Variants in ABI3BP observed in about 807,000 individuals in gnomAD.
ABI3BP encodes target of Nesh-SH3.
In ABI3BP, 216 loss-of-function variants were observed where a neutral mutation model predicts 268.6. The ratio of observed to expected loss-of-function variants is 0.80; its 90% confidence interval spans 0.72 to 0.90. The LOEUF (loss-of-function observed/expected upper bound fraction) is 0.90. Among genes scored for constraint, ABI3BP ranks in the 40% least tolerant of loss-of-function variants. The pLI, the probability that ABI3BP is intolerant of heterozygous loss-of-function variation, is 0.00. For missense variants in ABI3BP, 2,090 were observed against 2,182.4 expected (o/e 0.96, Z 0.84); for synonymous variants, 730 against 730.0 (o/e 1.00, Z 0.00).
chr3:100,840,073 G>T lies in ABI3BP; in HGVS notation c.1896C>A (p.Pro632=). 1 of 1,530,792 alleles carries T rather than the reference G, an allele frequency of 6.5e-7. No individual in the cohort carries two copies. The highest frequency in any genetic ancestry group is 1.2e-5 in the South Asian group (1 of 83,820). 94.8% of individuals were successfully genotyped at this position (1,530,792 alleles called of 1,614,324 possible). A position where few individuals can be genotyped will look rare whatever the true frequency, so the allele number is the denominator to read the frequency against. ...TPSPEVPKSK[P]ALEPATIQPE... ...TTGGAACCTGAATATCACATTTACC[G>T]GGTTTGGACTTGGGCACTTCTGGAC... The change falls in exon 23 of 68, where the codon CCC becomes CCA. Residue 632 remains proline, a splice_region_variant and synonymous_variant. Coordinates refer to ENST00000471714, the MANE Select transcript of ABI3BP (RefSeq NM_001375547.2).
chr3:100,834,488 C>T (rs62274058), intron 29 of ABI3BP, among the ~76,000 whole-genome samples, 196 bp downstream of exon 29: 4,089 of 152,182 alleles, frequency 0.027, 72 homozygotes, highest in Non-Finnish European at 0.042. Context: ...AATTCCCAGG[C>T]ACCAAGGAGG....
At chr3:100,981,897 A>G (rs1207196090) in intron 1 of ABI3BP, among the ~76,000 whole-genome samples, 1 of 152,194 alleles carries the variant, frequency 6.6e-6, no homozygotes, top group Non-Finnish European at 1.5e-5. Context: ...GAGTATCTAG[A>G]TCTTTCCATC....
intron 1 of ABI3BP, among the ~76,000 whole-genome samples, chr3:100,989,201 G>A (rs558333826): frequency 6.6e-6 from 1 of 152,272 alleles, no homozygotes; most frequent in East Asian, 1.9e-4. Flanking sequence ...CCAGCACTTT[G>A]ATCATGGACT....
intron 52 of ABI3BP, 31 bp from the exon 53 acceptor site, chr3:100,795,882 T>A (rs779142648): frequency 4.7e-6 from 6 of 1,271,316 alleles, no homozygotes; most frequent in Non-Finnish European, 6.1e-6. Flanking sequence ...AGGAACATAT[T>A]TATGAGAATT....
intron 2 of ABI3BP, among the ~76,000 whole-genome samples, chr3:100,925,289 C>A (rs1289555763): frequency 2.0e-5 from 3 of 152,174 alleles, no homozygotes; most frequent in Admixed American, 1.3e-4. Context: ...GATAACACCT[C>A]TGAAACTTAT....
chr3:100,854,316 G>C (rs531365342), intron 14 of ABI3BP, among the ~76,000 whole-genome samples: 2 of 151,938 alleles, frequency 1.3e-5, no homozygotes, highest in Non-Finnish European at 2.9e-5. Context: ...CCGAGATCTC[G>C]CCACTGCACT....
Position 100,750,356 on chromosome 3 carries a change from A to G in ABI3BP, c.*139T>C, listed in dbSNP as rs999045111. 6 of 557,954 alleles carry G rather than the reference A, an allele frequency of 1.1e-5. No individual in the cohort carries two copies. Among genetic ancestry groups the G allele is most frequent in the African/African-American group, 9.8e-5 (5 of 51,216 alleles). 34.6% of individuals were successfully genotyped at this position (557,954 alleles called of 1,614,324 possible). On this transcript the variant is annotated 3_prime_UTR_variant, in exon 68 of 68. Coordinates refer to ENST00000471714, the MANE Select transcript of ABI3BP (RefSeq NM_001375547.2). Reference sequence around the variant, plus strand: ...AATACTCTCAGCAATCTTTTCTAATAATAAACATCTAGTATTGCTATTAAT... The same window carrying G: ...AATACTCTCAGCAATCTTTTCTAATGATAAACATCTAGTATTGCTATTAAT...
intron 58 of ABI3BP, among the ~76,000 whole-genome samples, chr3:100,779,437 T>A (rs143186352): frequency 1.3e-5 from 2 of 152,234 alleles, no homozygotes; most frequent in Non-Finnish European, 2.9e-5. Context: ...TGCAGAAAGG[T>A]TGGTGAGGTC....
chr3:100,815,785 T>A (rs1000550145), intron 44 of ABI3BP, 127 bp downstream of exon 44: 4 of 617,744 alleles, frequency 6.5e-6, no homozygotes, highest in Non-Finnish European at 1.1e-5. Context: ...GCTGACTATT[T>A]TAAAATGAAG....
chr3:100,790,770 T>A, intron 55 of ABI3BP, among the ~76,000 whole-genome samples: 1 of 151,936 alleles, frequency 6.6e-6, no homozygotes, highest in East Asian at 1.9e-4. Context: ...ATTTCTTCTT[T>A]CCACATAAAT....
chr3:100,824,851 G>C lies in ABI3BP; in HGVS notation c.2746+7C>G. ...ATCACCCTTAAACCAAGGAATCACA[G>C]ATTTACCAGGTTTGGTCTCAGGTGC... On this transcript the variant is annotated splice_region_variant and intron_variant, in intron 36 of 67. Transcript: ENST00000471714. The C allele has an allele frequency of 2.0e-6, 3 of 1,534,088 alleles. No individual in the cohort carries two copies. The highest frequency in any genetic ancestry group is 2.6e-6 in the Non-Finnish European group (3 of 1,145,044).
intron 1 of ABI3BP, among the ~76,000 whole-genome samples, chr3:100,986,168 C>A (rs926768748): frequency 6.6e-6 from 1 of 152,164 alleles, no homozygotes; most frequent in African/African-American, 2.4e-5. Context: ...GAGGCAGAGA[C>A]CTGCAGCAAC....
intron 32 of ABI3BP, among the ~76,000 whole-genome samples, chr3:100,830,090 TATAC>T (rs1309502224): frequency 0.014 from 1,311 of 91,204 alleles, 61 homozygotes; most frequent in African/African-American, 0.032. Flanking sequence ...GCTATATACA[TATAC>T]ATACATACAT....
intron 34 of ABI3BP, 82 bp from the exon 35 acceptor site, chr3:100,825,926 G>A (rs905487509): frequency 6.2e-5 from 61 of 991,484 alleles, no homozygotes; most frequent in Admixed American, 1.0e-4. Flanking sequence ...TCTTGCTTGT[G>A]TAACACTGCC....
chr3:100,821,597 C>CTTTTGT (rs1560446114), intron 38 of ABI3BP, among the ~76,000 whole-genome samples: 1 of 119,136 alleles, frequency 8.4e-6, no homozygotes, highest in Non-Finnish European at 1.7e-5. Context: ...TGAAGTAAGA[C>CTTTTGT]TTTTTTTTTT....
rs2098666597 is a variant in ABI3BP at position 100,839,951 on chromosome 3, C to G, written c.1897+121G>C. 4 of 749,760 alleles carry G rather than the reference C, an allele frequency of 5.3e-6. No homozygotes were observed. In the Admixed American group the frequency reaches 7.1e-5, roughly 13 times the overall value. 46.4% of individuals were successfully genotyped at this position (749,760 alleles called of 1,614,324 possible). A position where few individuals can be genotyped will look rare whatever the true frequency, so the allele number is the denominator to read the frequency against. ...TGAATATAGAAACTGAGTACAGATGCTCAGTTATAAAAGTCAATTCCACTG... is the reference window on the plus strand; with the variant it reads ...TGAATATAGAAACTGAGTACAGATGGTCAGTTATAAAAGTCAATTCCACTG... On this transcript the variant is annotated intron_variant, in intron 23 of 67. Transcript: ENST00000471714.
At chr3:100,859,552 T>G (rs544374238) in intron 14 of ABI3BP, among the ~76,000 whole-genome samples, 12 of 152,216 alleles carry the variant, frequency 7.9e-5, no homozygotes, top group African/African-American at 2.9e-4. Context: ...ATGTTGAAAC[T>G]AAATGGGAAA....
chr3:100,776,826 T>A (rs1011353245), intron 59 of ABI3BP, among the ~76,000 whole-genome samples: 1 of 152,066 alleles, frequency 6.6e-6, no homozygotes, highest in Non-Finnish European at 1.5e-5. Context: ...GAACAAGGGT[T>A]TATATGGCAG....
chr3:100,957,145 T>C (rs2153802638), intron 1 of ABI3BP, among the ~76,000 whole-genome samples: 3 of 152,212 alleles, frequency 2.0e-5, no homozygotes, highest in Middle Eastern at 6.8e-3. Context: ...ATAATCCAAG[T>C]AAGAGATGGT....
Sources: gnomAD v4.1 joint callset for allele counts (sites outside exome capture counted in the v4.1 genomes callset) on GRCh38, gnomAD v4.1.1 for gene constraint, MANE v1.5 for transcripts, NCBI Gene and HGNC (gene_info 2026-07-23, HGNC 2026-07-21) for gene names.